Variants in EVC2 observed in about 807,000 individuals in gnomAD.
The protein encoded by EVC2 is EvC ciliary complex subunit 2.
EVC2 carries 148 observed loss-of-function variants against 149.3 expected under a neutral mutation model. That is an observed-to-expected ratio of 0.99 (90% confidence interval 0.87 to 1.14). The LOEUF is 1.14. Ranked by LOEUF, EVC2 falls within the 50% of genes most tolerant of loss-of-function variation. The pLI is 0.00. For missense variants in EVC2, 1,854 were observed against 1,627.3 expected, an observed-to-expected ratio of 1.14 and a Z score of -2.40; for synonymous variants, 776 against 649.9, an observed-to-expected ratio of 1.19 and a Z score of -2.95.
intron 21 of EVC2, among the ~76,000 whole-genome samples, chr4:5,543,528 A>T (rs1293496898): frequency 6.6e-6 from 1 of 152,174 alleles, no homozygotes; most frequent in East Asian, 1.9e-4. Flanking sequence ...AAATAACAAA[A>T]TTGGCAAAAA....
At chr4:5,577,192 G>GT (rs1305243029) in intron 17 of EVC2, among the ~76,000 whole-genome samples, 1 of 152,240 alleles carries the variant, frequency 6.6e-6, no homozygotes. Context: ...GTCAGATGAT[G>GT]TAACTATTGA....
At chr4:5,685,782 T>A (rs1391358892) in intron 5 of EVC2, among the ~76,000 whole-genome samples, 1 of 152,192 alleles carries the variant, frequency 6.6e-6, no homozygotes, top group Non-Finnish European at 1.5e-5. Flanking sequence ...TAGCCCTTTC[T>A]CACTGTGCAG....
chr4:5,534,818 GAAAAAAAAAAAAA>G, the EVC2 span, among the ~76,000 whole-genome samples: 1 of 66,884 alleles, frequency 1.5e-5, no homozygotes, highest in East Asian at 4.2e-4. Flanking sequence ...CATCTGGTAG[GAAAAAAAAAAAAA>G]AAAAAAAAAA....
intron 12 of EVC2, among the ~76,000 whole-genome samples, chr4:5,627,532 C>A (rs924041529): frequency 1.3e-5 from 2 of 152,122 alleles, no homozygotes; most frequent in South Asian, 4.1e-4. Context: ...TACCTAGTAG[C>A]GGAACCACAG....
At chr4:5,708,015 G>A (rs1463730274) in intron 1 of EVC2, 1 of 355,584 alleles carries the variant, frequency 2.8e-6, no homozygotes, top group Non-Finnish European at 5.0e-6. Context: ...GCCCTAGGTC[G>A]AAGCTCGTAA....
At chr4:5,663,376 T>A in intron 8 of EVC2, 130 bp from the exon 9 acceptor site, 2 of 1,255,026 alleles carry the variant, frequency 1.6e-6, no homozygotes, top group Non-Finnish European at 2.3e-6. Context: ...GTGACCACAG[T>A]AAACCCAGAC....
chr4:5,562,331 T>C (rs1004451232), downstream of EVC2: 4 of 578,390 alleles, frequency 6.9e-6, no homozygotes, highest in East Asian at 2.7e-4. The surrounding 1 kb of genome is among the most constrained non-coding windows in gnomAD (Gnocchi z 4.3). Flanking sequence ...ACTGGAGCGA[T>C]AGAGGGCGAA....
chr4:5,540,642 C>G (rs146363253), downstream of EVC2, among the ~76,000 whole-genome samples: 70 of 152,208 alleles, frequency 4.6e-4, no homozygotes, highest in African/African-American at 1.5e-3. Context: ...TAAGCTGTTA[C>G]CTGGGTGTGG....
chr4:5,530,186 G>T, the EVC2 span, among the ~76,000 whole-genome samples: 1 of 152,150 alleles, frequency 6.6e-6, no homozygotes, highest in Non-Finnish European at 1.5e-5. Flanking sequence ...AAAAGCATAA[G>T]TCCTTACCTG....
the EVC2 span, among the ~76,000 whole-genome samples, chr4:5,532,755 C>T: frequency 6.6e-6 from 1 of 151,942 alleles, no homozygotes; most frequent in Non-Finnish European, 1.5e-5. Context: ...TCAAGCACAG[C>T]CCTCGAGATG....
intron 14 of EVC2, among the ~76,000 whole-genome samples, chr4:5,621,860 T>A (rs1167677321): frequency 6.6e-6 from 1 of 152,120 alleles, no homozygotes; most frequent in South Asian, 2.1e-4. Flanking sequence ...AAATAAATAT[T>A]AAAAATAAAC....
At chr4:5,609,251 C>T (rs2108820156) in intron 16 of EVC2, among the ~76,000 whole-genome samples, 1 of 152,310 alleles carries the variant, frequency 6.6e-6, no homozygotes, top group South Asian at 2.1e-4. Flanking sequence ...GGTTCTGTTT[C>T]TCTGGAAAAC....
At chr4:5,693,577 G>A (rs1721267538) in intron 3 of EVC2, among the ~76,000 whole-genome samples, 1 of 152,244 alleles carries the variant, frequency 6.6e-6, no homozygotes, top group South Asian at 2.1e-4. Flanking sequence ...CCAGCACCGG[G>A]CTTCCAGACT....
At chr4:5,623,252 C>T (rs970296537) in intron 13 of EVC2, among the ~76,000 whole-genome samples, 5 of 152,142 alleles carry the variant, frequency 3.3e-5, no homozygotes, top group African/African-American at 1.2e-4. Flanking sequence ...TCTTGTGCCT[C>T]AAGACACCCA....
rs761224381 is a variant in EVC2, at chr4:5,615,481, A to C, written c.2770T>G (p.Cys924Gly). The C allele has an allele frequency of 1.2e-6, 2 of 1,614,054 alleles. No homozygotes were observed. The highest frequency in any genetic ancestry group is 2.7e-5 in the African/African-American group (2 of 74,910). ...CAGAGGTGAATTTTGTCTTCGATGCACTTCTTCAGAAGCTCTCCCTTGCTT... is the reference window on the plus strand; with the variant it reads ...CAGAGGTGAATTTTGTCTTCGATGCCCTTCTTCAGAAGCTCTCCCTTGCTT... ...SKSKGELLKK[C>G]IEDKIHLCEE... is the part of the protein sequence containing the mutation. Residue 924 changes from cysteine to glycine, a missense_variant, in exon 16 of 22, where the codon TGC (cysteine) becomes GGC (glycine). Transcript: ENST00000344408.
At position 5,571,795 on chromosome 4, in the gene EVC2, G is replaced by T. The variant is rs571863455; in HGVS notation, c.3360+2890C>A. ...CATTCCTCTTGTTGTTTCTGTGGGG[G>T]TGTTTTGGGATGAGATTAACATGTA... On this transcript the variant is annotated intron_variant, in intron 19 of 21. Transcript: ENST00000344408. 2.0e-5 allele frequency among the ~76,000 whole-genome samples: 3 copies of T among 152,308 alleles called. No homozygotes were observed. In the South Asian group the frequency reaches 6.2e-4, roughly 32 times the overall value.
chr4:5,687,262 A>AAAAAG (rs1263811924), intron 5 of EVC2, among the ~76,000 whole-genome samples: 6 of 152,138 alleles, frequency 3.9e-5, no homozygotes, highest in Admixed American at 1.3e-4. Context: ...CATCTCAAAA[A>AAAAAG]AAAAGAAAAG....
rs1008689803 is a variant in EVC2, at chr4:5,576,508, G to C, written c.3058-54C>G. ...ACCACTGCACAAGGCGGGTGGGGTG[G>C]AGGACAAAATCTGACCTCCTGGGTG... On this transcript the variant is annotated intron_variant, in intron 17 of 21. Coordinates refer to ENST00000344408, the MANE Select transcript of EVC2 (RefSeq NM_147127.5). The surrounding 1 kb of genome is among the most constrained non-coding windows in gnomAD (Gnocchi z 4.5). The C allele has an allele frequency of 1.2e-5, 18 of 1,540,770 alleles. No individual in the cohort carries two copies. Among genetic ancestry groups the C allele is most frequent in the Non-Finnish European group, 1.5e-5 (17 of 1,148,036 alleles).
Position 5,593,327 on chromosome 4 carries a change from T to A in EVC2, c.2830-8477A>T, listed in dbSNP as rs546822213. 2.6e-5 allele frequency among the ~76,000 whole-genome samples: 4 copies of A among 152,300 alleles called. No homozygotes were observed. The South Asian group carries it at 8.3e-4, about 32-fold the overall frequency. ...TGCCTGCCCTTCTTTCAAGTGTGCG[T>A]TACTTCCTTTTCTTCCTGCTCTAAA... On this transcript the variant is annotated intron_variant, in intron 16 of 21. Coordinates refer to ENST00000344408, the MANE Select transcript of EVC2 (RefSeq NM_147127.5).
Sources: allele counts gnomAD v4.1 joint callset (sites outside exome capture counted in the v4.1 genomes callset), GRCh38; gene constraint gnomAD v4.1.1; non-coding constraint Gnocchi (gnomAD v3.1); transcripts MANE v1.5; gene names NCBI Gene and HGNC (gene_info 2026-07-23, HGNC 2026-07-21).